Variants in PSEN2 observed in about 807,000 individuals in gnomAD.
PSEN2 encodes the protein presenilin-2.
Under a neutral mutation model 49.1 loss-of-function variants are expected in PSEN2, and 32 were observed. The observed-to-expected ratio is 0.65, with a 90% confidence interval of 0.49 to 0.88. PSEN2 has a LOEUF of 0.88. Among genes scored for constraint, PSEN2 ranks in the 40% least tolerant of loss-of-function variants. The pLI, the probability that PSEN2 is intolerant of heterozygous loss-of-function variation, is 0.00. For synonymous variants in PSEN2, 255 were observed against 244.0 expected, an observed-to-expected ratio of 1.05 and a Z score of -0.42; for missense variants, 522 against 586.9, an observed-to-expected ratio of 0.89 and a Z score of 1.14.
chr1:226,894,744 A>G (rs6426554), intron 12 of PSEN2, among the ~76,000 whole-genome samples: 39,835 of 152,152 alleles, frequency 0.26, 5,667 homozygotes, highest in African/African-American at 0.36. Flanking sequence ...TGCGCTTGGC[A>G]TCTGCCCCTT....
chr1:226,886,076 C>A (rs1430203526), intron 6 of PSEN2, among the ~76,000 whole-genome samples: 1 of 147,016 alleles, frequency 6.8e-6, no homozygotes, highest in African/African-American at 2.5e-5. Context: ...ACAGTGTTGC[C>A]CAGGCTGGTC....
chr1:226,899,141 C>T (rs1427873859), downstream of PSEN2: 4 of 152,018 alleles, frequency 2.6e-5, no homozygotes, highest in African/African-American at 9.7e-5. Context: ...GTTATTAAAT[C>T]TATCAGTTTT....
At position 226,894,038 on chromosome 1, in the gene PSEN2, C is replaced by A; in HGVS notation, c.1104C>A (p.Ile368=). ...RGVKLGLGDF[I]FYSVLVGKAA... ...TGAAGCTTGGCCTCGGGGACTTCAT[C>A]TTCTACAGTGTGCTGGTGGGCAAGG... The change falls in exon 12 of 13, where the codon ATC becomes ATA. Residue 368 remains isoleucine (I), a synonymous_variant. Coordinates refer to ENST00000366783, the MANE Select transcript of PSEN2 (RefSeq NM_000447.3). 3 of 1,614,208 alleles carry A rather than the reference C, an allele frequency of 1.9e-6. No homozygotes were observed. Among genetic ancestry groups the A allele is most frequent in the Non-Finnish European group, 2.5e-6 (3 of 1,180,028 alleles).
chr1:226,903,235 T>C (rs1453115564), intron 12 of PSEN2, among the ~76,000 whole-genome samples: 1 of 152,164 alleles, frequency 6.6e-6, no homozygotes, highest in Non-Finnish European at 1.5e-5. Context: ...AAATGTTGGA[T>C]TTTGTCTCAG....
chr1:226,895,452 C>A lies in PSEN2; in HGVS notation c.1220C>A (p.Ala407Asp), dbSNP rs371315050. The A allele has an allele frequency of 1.5e-5, 25 of 1,613,952 alleles. No homozygotes were observed. The highest frequency in any genetic ancestry group is 2.1e-5 in the Non-Finnish European group (25 of 1,180,010). Residue 407 changes from alanine to aspartate, a missense_variant, in exon 13 of 13, where the codon GCT (alanine) becomes GAT (aspartate). Transcript: ENST00000366783. ...IGLCLTLLLL[A>D]VFKKALPALP... ...TTGTGTCTGACCCTCCTGCTGCTTG[C>A]TGTGTTCAAGAAGGCGCTGCCCGCC... is the stretch of plus-strand genomic sequence containing the variant.
At chr1:226,876,156 T>C (rs1660616168) in intron 3 of PSEN2, among the ~76,000 whole-genome samples, 1 of 152,072 alleles carries the variant, frequency 6.6e-6, no homozygotes, top group Non-Finnish European at 1.5e-5. Flanking sequence ...CACTCTAATG[T>C]GGACAGACAC....
chr1:226,887,315 C>T (rs997568644), intron 6 of PSEN2, among the ~76,000 whole-genome samples: 1 of 152,156 alleles, frequency 6.6e-6, no homozygotes, highest in Non-Finnish European at 1.5e-5. Flanking sequence ...GTGTGTGCAG[C>T]AGGGCCGTGG....
Position 226,888,894 on chromosome 1 carries a change from T to A in PSEN2, c.632T>A (p.Phe211Tyr). ...ACCCTCTTGCTGACTGTCTGGAACTTCGGGGCAGTGGGCATGGTGTGCATC... is the reference window on the plus strand; with the variant it reads ...ACCCTCTTGCTGACTGTCTGGAACTACGGGGCAGTGGGCATGGTGTGCATC... ...YPTLLLTVWN[F>Y]GAVGMVCIHW... Residue 211 changes from phenylalanine to tyrosine, a missense_variant, in exon 8 of 13, where the codon TTC becomes TAC. Physicochemically the swap from Phe to Tyr is conservative, Grantham distance 22. Coordinates refer to ENST00000366783, the MANE Select transcript of PSEN2 (RefSeq NM_000447.3). 1 of 1,614,174 alleles carries A rather than the reference T, an allele frequency of 6.2e-7. No individual in the cohort carries two copies. Among genetic ancestry groups the A allele is most frequent in the African/African-American group, 1.3e-5 (1 of 75,052 alleles).
intron 3 of PSEN2, 39 bp from the exon 4 acceptor site, chr1:226,881,849 C>A: frequency 6.2e-7 from 1 of 1,613,586 alleles, no homozygotes; most frequent in Non-Finnish European, 8.5e-7. Context: ...CTTTGTCTCA[C>A]AGGAAAGTGG....
intron 4 of PSEN2, 91 bp from the exon 5 acceptor site, chr1:226,883,614 C>A: frequency 1.6e-6 from 2 of 1,238,108 alleles, no homozygotes; most frequent in Non-Finnish European, 2.3e-6. Flanking sequence ...AACATTCAAA[C>A]TTCTCATTTC....
chr1:226,876,105 C>T (rs529315020), intron 3 of PSEN2, among the ~76,000 whole-genome samples: 1 of 152,240 alleles, frequency 6.6e-6, no homozygotes, highest in African/African-American at 2.4e-5. Context: ...CCCCCACCTG[C>T]CCGTGAGTCA....
At chr1:226,885,377 A>G (rs1165313100) in intron 5 of PSEN2, among the ~76,000 whole-genome samples, 161 bp from the exon 6 acceptor site, 1 of 152,176 alleles carries the variant, frequency 6.6e-6, no homozygotes, top group East Asian at 1.9e-4. Flanking sequence ...GCTGGAGGAC[A>G]GGAACTGCTC....
downstream of PSEN2, among the ~76,000 whole-genome samples, chr1:226,897,264 G>C (rs1439367723): frequency 2.0e-5 from 3 of 152,226 alleles, no homozygotes; most frequent in African/African-American, 7.2e-5. Flanking sequence ...CAGAAGAGCA[G>C]TTTTAGGGTG....
chr1:226,890,059 A>G lies in PSEN2; in HGVS notation c.812A>G (p.Lys271Arg), dbSNP rs1337767664. Residue 271 changes from lysine to arginine, a missense_variant, in exon 9 of 13, where the codon AAA becomes AGA. Physicochemically the swap from Lys to Arg is conservative, Grantham distance 26 (BLOSUM62 2). Transcript: ENST00000366783. The part of the protein sequence containing the change: ...VYDLVAVLCP[K>R]GPLRMLVETA... ...GATCTCGTGGCTGTGCTGTGTCCCA[A>G]AGGGCCTCTGAGAATGCTGGTAGAA... The G allele has an allele frequency of 2.5e-6, 4 of 1,613,850 alleles. No individual in the cohort carries two copies. The East Asian group carries it at 8.9e-5, about 36-fold the overall frequency.
At chr1:226,894,849 G>T (rs1662019958) in intron 12 of PSEN2, among the ~76,000 whole-genome samples, 2 of 152,154 alleles carry the variant, frequency 1.3e-5, no homozygotes, top group African/African-American at 4.8e-5. Context: ...TGGGATGGTG[G>T]ACCCAGGCTC....
Position 226,888,977 on chromosome 1 carries a change from A to C in PSEN2, c.715A>C (p.Met239Leu), listed in dbSNP as rs28936379. ...CTACCTCATCATGATCAGTGCGCTC[A>C]TGGCCCTAGTGTTCATCAAGTACCT... The part of the protein sequence containing the change: ...QAYLIMISAL[M>L]ALVFIKYLPE... Residue 239 changes from methionine to leucine, a missense_variant, in exon 8 of 13, where the codon ATG becomes CTG. Met to Leu is a conservative substitution (Grantham distance 15, BLOSUM62 2). Transcript: ENST00000366783. 1 of 1,614,030 alleles carries C rather than the reference A, an allele frequency of 6.2e-7. No homozygotes were observed. The highest frequency in any genetic ancestry group is 1.3e-5 in the African/African-American group (1 of 74,908).
At position 226,891,291 on chromosome 1, in the gene PSEN2, G is replaced by T; in HGVS notation, c.900G>T (p.Trp300Cys). 6.2e-7 allele frequency: 1 copy of T among 1,613,952 alleles called. No individual in the cohort carries two copies. Among genetic ancestry groups the T allele is most frequent in the Non-Finnish European group, 8.5e-7 (1 of 1,179,994 alleles). ...CTCCTCCCCCAGCTGCCATGGTGTG[G>T]ACGGTTGGCATGGCGAAGCTGGACC... ...PALIYSSAMV[W>C]TVGMAKLDPS... Residue 300 changes from tryptophan to cysteine, a missense_variant, in exon 10 of 13, where the codon TGG becomes TGT. Coordinates refer to ENST00000366783, the MANE Select transcript of PSEN2 (RefSeq NM_000447.3).
intron 3 of PSEN2, among the ~76,000 whole-genome samples, chr1:226,879,320 C>T (rs1424852901): frequency 6.6e-6 from 1 of 152,222 alleles, no homozygotes; most frequent in Non-Finnish European, 1.5e-5. Flanking sequence ...GTTCCCAGAA[C>T]TTCCCTGTGG....
intron 6 of PSEN2, 78 bp downstream of exon 6, chr1:226,885,757 C>T: frequency 6.4e-7 from 1 of 1,570,352 alleles, no homozygotes; most frequent in South Asian, 1.1e-5. Flanking sequence ...CGTGAAACAG[C>T]CGCCTTTAGA....
Sources: allele counts gnomAD v4.1 joint callset (sites outside exome capture counted in the v4.1 genomes callset), GRCh38; gene constraint gnomAD v4.1.1; transcripts MANE v1.5; gene names NCBI Gene and HGNC (gene_info 2026-07-23, HGNC 2026-07-21).